NTM: variants seen among roughly 807,000 people sequenced by gnomAD.
NTM encodes IgLON family member 2.
NTM carries 13 observed loss-of-function variants against 42.1 expected under a neutral mutation model. The ratio of observed to expected loss-of-function variants is 0.31; its 90% CI spans 0.20 to 0.49. The LOEUF is 0.49. Among genes scored for constraint, NTM ranks in the 20% least tolerant of loss-of-function variants. The pLI is 0.99. For synonymous variants in NTM, 187 were observed against 179.2 expected (o/e 1.04, Z -0.35); for missense variants, 373 against 452.8 (o/e 0.82, Z 1.60).
chr11:131,511,339 G>C (rs2048215833), intron 1 of NTM, among the ~76,000 whole-genome samples: 1 of 152,218 alleles, frequency 6.6e-6, no homozygotes, highest in Non-Finnish European at 1.5e-5. Context: ...AGTGGGAAGA[G>C]TGCAGCAGTG....
intron 2 of NTM, among the ~76,000 whole-genome samples, chr11:132,066,383 A>G (rs991621482): frequency 6.6e-6 from 1 of 152,186 alleles, no homozygotes; most frequent in African/African-American, 2.4e-5. Context: ...GGACCCTTCT[A>G]TAGGTTGATT....
intron 4 of NTM, among the ~76,000 whole-genome samples, chr11:132,241,669 C>T (rs578027445): frequency 1.7e-4 from 26 of 152,176 alleles, no homozygotes; most frequent in Non-Finnish European, 3.5e-4. Context: ...TGAATTGTTC[C>T]GTACTCCTAA....
chr11:131,998,635 C>A (rs192429272), intron 2 of NTM, among the ~76,000 whole-genome samples: 1 of 152,090 alleles, frequency 6.6e-6, no homozygotes, highest in Admixed American at 6.6e-5. Context: ...TCTCATACTC[C>A]GTCGGTCACC....
intron 4 of NTM, among the ~76,000 whole-genome samples, chr11:132,281,940 A>G (rs2093986282): frequency 1.3e-5 from 2 of 152,192 alleles, no homozygotes; most frequent in South Asian, 2.1e-4. Context: ...TCTGCTTCCA[A>G]ACTTTCAACC....
At chr11:131,894,179 T>C (rs531581277) in intron 1 of NTM, among the ~76,000 whole-genome samples, 1 of 152,326 alleles carries the variant, frequency 6.6e-6, no homozygotes, top group East Asian at 1.9e-4. Flanking sequence ...GGGGCAATTG[T>C]GCGGCTTCTC....
chr11:131,727,452 G>A lies in NTM; in HGVS notation c.83-184112G>A, dbSNP rs534225753. Among the ~76,000 whole-genome samples, 10 of 152,280 alleles carry A rather than the reference G, an allele frequency of 6.6e-5. No homozygotes were observed. In the East Asian group the frequency reaches 7.7e-4, roughly 12 times the overall value. On this transcript the variant is annotated intron_variant, in intron 1 of 8. Coordinates refer to ENST00000683400, the MANE Select transcript of NTM (RefSeq NM_001352005.2). Reference sequence around the variant, plus strand: ...TCCCTGGGTTTTCAATTAAAAGGGAGCCTGCTTGTGAACTTGTGAGAGCCG... The same window carrying A: ...TCCCTGGGTTTTCAATTAAAAGGGAACCTGCTTGTGAACTTGTGAGAGCCG...
At chr11:131,408,393 G>T (rs566748209) in intron 1 of NTM, among the ~76,000 whole-genome samples, 6 of 152,226 alleles carry the variant, frequency 3.9e-5, no homozygotes, top group African/African-American at 1.4e-4. Context: ...GAATTCTGTG[G>T]AGAGGAGAGG....
At chr11:132,187,650 C>T (rs1005547953) in intron 3 of NTM, among the ~76,000 whole-genome samples, 3 of 152,104 alleles carry the variant, frequency 2.0e-5, no homozygotes, top group African/African-American at 7.2e-5. Context: ...TGAGCAGACA[C>T]AGGTGGAGTA....
At chr11:131,734,110 G>A (rs1033656448) in intron 1 of NTM, among the ~76,000 whole-genome samples, 2 of 152,180 alleles carry the variant, frequency 1.3e-5, no homozygotes, top group Non-Finnish European at 2.9e-5. Context: ...CTCCAGTGGG[G>A]CCATGCAGGA....
intron 1 of NTM, among the ~76,000 whole-genome samples, chr11:131,722,666 G>A (rs533779195): frequency 2.2e-4 from 34 of 152,334 alleles, no homozygotes; most frequent in African/African-American, 7.7e-4. Flanking sequence ...TGGCTCATCC[G>A]GAGTAGCTTT....
At chr11:131,842,753 A>G (rs2044418111) in intron 1 of NTM, among the ~76,000 whole-genome samples, 1 of 152,146 alleles carries the variant, frequency 6.6e-6, no homozygotes, top group South Asian at 2.1e-4. Context: ...GCTCATGCCT[A>G]TAATCCCAGC....
At chr11:132,291,469 G>A (rs909885356) in intron 4 of NTM, among the ~76,000 whole-genome samples, 4 of 152,182 alleles carry the variant, frequency 2.6e-5, no homozygotes, top group Non-Finnish European at 4.4e-5. Flanking sequence ...AATGTGGGAT[G>A]CCTATGAGAC....
At chr11:132,061,942 G>A (rs2080743042) in intron 2 of NTM, among the ~76,000 whole-genome samples, 1 of 152,192 alleles carries the variant, frequency 6.6e-6, no homozygotes, top group African/African-American at 2.4e-5. Context: ...GCGTGTGTGT[G>A]TGTGGATCAG....
chr11:131,870,743 C>T (rs2047695512), intron 1 of NTM, among the ~76,000 whole-genome samples: 1 of 152,176 alleles, frequency 6.6e-6, no homozygotes, highest in Non-Finnish European at 1.5e-5. Flanking sequence ...CCTTTTAGCA[C>T]AGGACACAGC....
intron 3 of NTM, among the ~76,000 whole-genome samples, chr11:132,202,320 G>A (rs756630948): frequency 4.6e-5 from 7 of 152,270 alleles, no homozygotes; most frequent in Admixed American, 1.3e-4. Flanking sequence ...CAAAGTGCTC[G>A]GAATAGAAGG....
chr11:132,059,933 C>T (rs2080368849), intron 2 of NTM, among the ~76,000 whole-genome samples: 1 of 152,162 alleles, frequency 6.6e-6, no homozygotes, highest in African/African-American at 2.4e-5. Flanking sequence ...TGGAGTCCCT[C>T]CTGCAGCCTT....
At chr11:131,632,508 C>T (rs1278133913) in intron 1 of NTM, among the ~76,000 whole-genome samples, 2 of 152,060 alleles carry the variant, frequency 1.3e-5, no homozygotes, top group Non-Finnish European at 2.9e-5. Flanking sequence ...GGACAATGGT[C>T]TTAGACCATT....
chr11:131,760,021 C>G (rs2083895749), intron 1 of NTM, among the ~76,000 whole-genome samples: 1 of 152,046 alleles, frequency 6.6e-6, no homozygotes, highest in South Asian at 2.1e-4. Context: ...CACAACTCAC[C>G]ACTGAGAAAT....
intron 1 of NTM, among the ~76,000 whole-genome samples, chr11:131,746,383 C>A (rs184585942): frequency 6.6e-6 from 1 of 152,158 alleles, no homozygotes; most frequent in Non-Finnish European, 1.5e-5. Context: ...GAGCTCTCCA[C>A]TGACTTGTGT....
Sources: allele counts gnomAD v4.1 joint callset (sites outside exome capture counted in the v4.1 genomes callset), GRCh38; gene constraint gnomAD v4.1.1; transcripts MANE v1.5; gene names NCBI Gene and HGNC (gene_info 2026-07-23, HGNC 2026-07-21).